CACNB2: variants seen among roughly 807,000 people sequenced by gnomAD.
CACNB2 encodes the protein voltage-dependent L-type calcium channel subunit beta-2.
Under a neutral mutation model 73.3 loss-of-function variants are expected in CACNB2, and 42 were observed. That is an observed-to-expected ratio of 0.57 (90% confidence interval 0.45 to 0.74). CACNB2 has a LOEUF of 0.74. CACNB2 is among the 30% of genes least tolerant of loss of function. CACNB2 has a pLI of 0.00. For synonymous variants in CACNB2, 348 were observed against 310.3 expected, an observed-to-expected ratio of 1.12 and a Z score of -1.28; for missense variants, 940 against 853.0, an observed-to-expected ratio of 1.10 and a Z score of -1.27.
chr10:18,457,532 A>C (rs1225726709), intron 3 of CACNB2, among the ~76,000 whole-genome samples: 1 of 152,224 alleles, frequency 6.6e-6, no homozygotes, highest in East Asian at 1.9e-4. Context: ...TCCTTAGTTT[A>C]AATATGTCCC....
In CACNB2 at chr10:18,160,841, CA is replaced by C. The variant is rs1418433196; in HGVS notation, c.213+9867del. Among the ~76,000 whole-genome samples, 4 of 152,150 alleles carry C rather than the reference CA, an allele frequency of 2.6e-5. No individual in the cohort carries two copies. The East Asian group carries it at 7.7e-4, about 29-fold the overall frequency. On this transcript the variant is annotated intron_variant, in intron 2 of 13. Transcript: ENST00000324631. The stretch of plus-strand genomic sequence containing the variant: ...TGGAATCTTCACATTTGATGATTAT[CA>C]CATGCTGGAGAAGTCATTTTTGAGG...
intron 2 of CACNB2, among the ~76,000 whole-genome samples, chr10:18,262,888 G>A (rs1425926234): frequency 6.6e-6 from 1 of 152,160 alleles, no homozygotes; most frequent in Non-Finnish European, 1.5e-5. Context: ...TAAATAGAAA[G>A]AAGAGACAAC....
At chr10:18,421,284 G>T (rs972135223) in intron 3 of CACNB2, among the ~76,000 whole-genome samples, 7 of 149,484 alleles carry the variant, frequency 4.7e-5, no homozygotes, top group South Asian at 2.1e-4. Context: ...TACCAGTGTG[G>T]TTTTTTTTGT....
intron 2 of CACNB2, among the ~76,000 whole-genome samples, chr10:18,374,873 T>G (rs554270967): frequency 1.3e-5 from 2 of 152,272 alleles, no homozygotes; most frequent in East Asian, 3.9e-4. Context: ...TGTAATGTAA[T>G]TTGTCCAGTA....
intron 2 of CACNB2, among the ~76,000 whole-genome samples, chr10:18,235,266 A>C (rs1258413171): frequency 1.3e-5 from 2 of 152,068 alleles, no homozygotes; most frequent in Non-Finnish European, 1.5e-5. Context: ...CAGCCTGGGC[A>C]ATGTAGCAAG....
At chr10:18,231,938 A>G (rs753079957) in intron 2 of CACNB2, among the ~76,000 whole-genome samples, 29 of 152,354 alleles carry the variant, frequency 1.9e-4, no homozygotes, top group Non-Finnish European at 4.3e-4. Context: ...AAATCTGTAT[A>G]AATACATATT....
intron 2 of CACNB2, among the ~76,000 whole-genome samples, chr10:18,175,445 A>G (rs1362999740): frequency 6.7e-6 from 1 of 148,670 alleles, no homozygotes; most frequent in Non-Finnish European, 1.5e-5. Flanking sequence ...GAATAAAAAC[A>G]TGCACAATTT....
intron 2 of CACNB2, among the ~76,000 whole-genome samples, chr10:18,211,856 C>T (rs1390451426): frequency 2.9e-5 from 2 of 68,936 alleles, no homozygotes; most frequent in Non-Finnish European, 2.9e-5. Flanking sequence ...TATTTATTTA[C>T]GTGGTTTCTT....
At chr10:18,481,215 TATATATATATA>T (rs1564599567) in intron 3 of CACNB2, among the ~76,000 whole-genome samples, 3 of 13,278 alleles carry the variant, frequency 2.3e-4, no homozygotes, top group African/African-American at 8.9e-4. Flanking sequence ...TATATATATA[TATATATATATA>T]TATATTTTTT....
At chr10:18,200,347 A>G (rs2034826410) in intron 2 of CACNB2, among the ~76,000 whole-genome samples, 1 of 152,092 alleles carries the variant, frequency 6.6e-6, no homozygotes, top group African/African-American at 2.4e-5. Context: ...TAATCCATAT[A>G]TTGTACTAAT....
At chr10:18,231,966 C>T (rs2036241532) in intron 2 of CACNB2, among the ~76,000 whole-genome samples, 1 of 152,186 alleles carries the variant, frequency 6.6e-6, no homozygotes, top group African/African-American at 2.4e-5. Context: ...CTCCAGACCT[C>T]CATGCAAAAT....
intron 11 of CACNB2, among the ~76,000 whole-genome samples, chr10:18,534,798 T>C (rs889776684): frequency 5.3e-5 from 8 of 152,262 alleles, no homozygotes; most frequent in Middle Eastern, 3.2e-3. Flanking sequence ...ACTGGTTTGA[T>C]TGAGTTGTGA....
chr10:18,464,418 T>TAAAAAAAAAAAAAAAAAAAAAAAAAAAA (rs762982462), intron 3 of CACNB2, among the ~76,000 whole-genome samples: 15 of 85,298 alleles, frequency 1.8e-4, no homozygotes, highest in East Asian at 1.2e-3. Context: ...TCTCAAAAAT[T>TAAAAAAAAAAAAAAAAAAAAAAAAAAAA]AAAAAAAAAA....
chr10:18,276,964 A>G (rs978126495), intron 2 of CACNB2, among the ~76,000 whole-genome samples: 3 of 152,184 alleles, frequency 2.0e-5, no homozygotes, highest in Non-Finnish European at 2.9e-5. Flanking sequence ...AAATTAAAAA[A>G]TTATTAGCCT....
At chr10:18,474,792 G>C (rs927080767) in intron 3 of CACNB2, among the ~76,000 whole-genome samples, 51 of 152,096 alleles carry the variant, frequency 3.4e-4, no homozygotes, top group African/African-American at 1.1e-3. Context: ...ACAGCAAGCA[G>C]TTCTCCAGTT....
rs182187083 is a variant in CACNB2 at position 18,465,060 on chromosome 10, T to C, written c.334-33295T>C. Among the ~76,000 whole-genome samples, 442 of 152,338 alleles carry C rather than the reference T, an allele frequency of 2.9e-3. 2 individuals are homozygous for C. The highest frequency in any genetic ancestry group is 0.01 in the African/African-American group (424 of 41,584). ...GAAAACTAGAAACAGCCGGGCATGG[T>C]GGCTCACGCCTGTAATCCCAGCACT... On this transcript the variant is annotated intron_variant, in intron 3 of 13. Transcript: ENST00000324631.
intron 3 of CACNB2, among the ~76,000 whole-genome samples, chr10:18,408,240 T>C (rs898929363): frequency 7.1e-6 from 1 of 141,592 alleles, no homozygotes; most frequent in African/African-American, 2.6e-5. Flanking sequence ...ACTTTTTTTT[T>C]TTTTTTTTTT....
intron 2 of CACNB2, among the ~76,000 whole-genome samples, chr10:18,361,776 C>A (rs2042152829): frequency 6.6e-6 from 1 of 151,850 alleles, no homozygotes; most frequent in South Asian, 2.1e-4. Context: ...TCATGCCTGG[C>A]AAATTTTTGT....
chr10:18,358,527 T>G (rs1201166813), intron 2 of CACNB2, among the ~76,000 whole-genome samples: 1 of 35,204 alleles, frequency 2.8e-5, no homozygotes, highest in Non-Finnish European at 7.9e-5. Context: ...TCTCTCTCTC[T>G]CTCTCTCTCT....
Sources: gnomAD v4.1 joint callset for allele counts (sites outside exome capture counted in the v4.1 genomes callset) on GRCh38, gnomAD v4.1.1 for gene constraint, MANE v1.5 for transcripts, NCBI Gene and HGNC (gene_info 2026-07-23, HGNC 2026-07-21) for gene names.